The following CHN1 variants were observed in gnomAD, a reference collection of about 807,000 sequenced individuals.
CHN1 encodes the protein N-chimaerin.
A neutral mutation model predicts 59.5 loss-of-function variants in CHN1; 37 were observed. The ratio of observed to expected loss-of-function variants is 0.62; its 90% CI spans 0.48 to 0.82. The LOEUF (loss-of-function observed/expected upper bound fraction) is 0.82. Among genes scored for constraint, CHN1 ranks in the 40% least tolerant of loss-of-function variants. The pLI is 0.00. For missense variants in CHN1, 469 were observed against 571.0 expected (o/e 0.82, Z 1.82); for synonymous variants, 206 against 200.4 (o/e 1.03, Z -0.24).
At chr2:174,868,824 G>A (rs1687309694) in intron 6 of CHN1, among the ~76,000 whole-genome samples, 1 of 152,164 alleles carries the variant, frequency 6.6e-6, no homozygotes, top group Non-Finnish European at 1.5e-5. Flanking sequence ...AAATCTAAAT[G>A]TTGTAGTGGT....
intron 1 of CHN1, among the ~76,000 whole-genome samples, chr2:174,954,459 GAA>G (rs1375292892): frequency 6.6e-6 from 1 of 151,936 alleles, no homozygotes; most frequent in South Asian, 2.1e-4. Context: ...TTAATTAAAT[GAA>G]AAAGTTTCTT....
intron 3 of CHN1, among the ~76,000 whole-genome samples, chr2:174,937,900 T>G (rs1269131154): frequency 6.6e-6 from 1 of 152,190 alleles, no homozygotes; most frequent in Non-Finnish European, 1.5e-5. Context: ...GGCACTGTGT[T>G]TCTTCTTGTA....
chr2:175,001,415 C>T (rs530215151), intron 1 of CHN1, among the ~76,000 whole-genome samples: 35 of 152,268 alleles, frequency 2.3e-4, no homozygotes, highest in African/African-American at 7.2e-4. Context: ...TATGCCATTG[C>T]TATTTAATTG....
chr2:174,882,753 G>C (rs2105338314), intron 5 of CHN1, among the ~76,000 whole-genome samples: 2 of 152,188 alleles, frequency 1.3e-5, no homozygotes, highest in Admixed American at 1.3e-4. Flanking sequence ...AGTCAAAAAA[G>C]CTAATCTAAT....
At chr2:174,931,788 A>G (rs1689355393) in intron 3 of CHN1, among the ~76,000 whole-genome samples, 1 of 152,198 alleles carries the variant, frequency 6.6e-6, no homozygotes, top group Non-Finnish European at 1.5e-5. Flanking sequence ...GAAGATTTGA[A>G]GCATATGAAC....
chr2:174,815,387 ATAAAT>A (rs941467774), intron 8 of CHN1, among the ~76,000 whole-genome samples: 2 of 152,154 alleles, frequency 1.3e-5, no homozygotes, highest in African/African-American at 4.8e-5. Context: ...CTAAAAAAAA[ATAAAT>A]TAAAAAATAC....
In CHN1 at chr2:174,914,246, A is replaced by T. The variant is rs74805227; in HGVS notation, c.260+812T>A. ...CAGTGGATAAGTATGCTCTTGTATT[A>T]TTGTTCTTACAAGTTGGGTTATTAT... On this transcript the variant is annotated intron_variant, in intron 5 of 12. Transcript: ENST00000409900. 9.4e-3 allele frequency among the ~76,000 whole-genome samples: 1,425 copies of T among 152,252 alleles called. 24 individuals are homozygous for T. The highest frequency in any genetic ancestry group is 0.032 in the African/African-American group (1,342 of 41,560).
chr2:174,808,376 C>T (rs1008106384), intron 11 of CHN1, among the ~76,000 whole-genome samples: 1 of 152,072 alleles, frequency 6.6e-6, no homozygotes, highest in African/African-American at 2.4e-5. Context: ...CTCTGCCTCC[C>T]GGGTTCAAGC....
intron 8 of CHN1, among the ~76,000 whole-genome samples, chr2:174,819,759 A>G (rs1282837245): frequency 6.7e-6 from 1 of 150,334 alleles, no homozygotes; most frequent in East Asian, 2.0e-4. Context: ...GGTGTGCTGC[A>G]CCTATTAACT....
intron 11 of CHN1, among the ~76,000 whole-genome samples, chr2:174,806,170 C>G (rs1328857573): frequency 1.3e-5 from 2 of 152,078 alleles, no homozygotes; most frequent in African/African-American, 2.4e-5. Flanking sequence ...ACACAGACTT[C>G]AGGTGGGTTC....
intron 3 of CHN1, among the ~76,000 whole-genome samples, chr2:174,938,228 A>C (rs894800356): frequency 6.6e-6 from 1 of 152,144 alleles, no homozygotes; most frequent in Non-Finnish European, 1.5e-5. Flanking sequence ...GATTCTCAAT[A>C]ATCTTTAGTT....
Position 174,801,781 on chromosome 2 carries a change from G to A in CHN1, c.1134C>T (p.Thr378=). The change falls in exon 12 of 13, where the codon ACC becomes ACT. Residue 378 remains threonine (T), a synonymous_variant. Coordinates refer to ENST00000409900, the MANE Select transcript of CHN1 (RefSeq NM_001822.7). ...GCAGTAGTTTCAGTGCTTCATGAAG[G>A]GTTTCCAATTGCTCATCCGGATCCA... ...KIMDPDEQLE[T]LHEALKLLPP... 6.2e-7 allele frequency: 1 copy of A among 1,613,090 alleles called. No individual in the cohort carries two copies. The highest frequency in any genetic ancestry group is 8.5e-7 in the Non-Finnish European group (1 of 1,179,282).
chr2:174,826,551 A>C (rs1685686241), intron 7 of CHN1, among the ~76,000 whole-genome samples: 1 of 152,336 alleles, frequency 6.6e-6, no homozygotes, highest in Non-Finnish European at 1.5e-5. Flanking sequence ...CTCAGGAATT[A>C]TTTTGTGCCG....
rs191083679 is a variant in CHN1, at chr2:174,901,869, A to G, written c.260+13189T>C. Among the ~76,000 whole-genome samples, 171 of 152,326 alleles carry G rather than the reference A, an allele frequency of 1.1e-3. 1 individual carries two copies. The highest frequency in any genetic ancestry group is 2.1e-4 in the Non-Finnish European group (14 of 68,026). ...TAAGTAAATGTAAGTGAAAATCAGA[A>G]TTTTTAAAAAGGGGAGGTGAAACTT... On this transcript the variant is annotated intron_variant, in intron 5 of 12. Transcript: ENST00000409900.
At chr2:174,925,549 G>A (rs1228429253) in intron 3 of CHN1, among the ~76,000 whole-genome samples, 2 of 152,112 alleles carry the variant, frequency 1.3e-5, no homozygotes, top group African/African-American at 2.4e-5. Flanking sequence ...CACCTTTAAG[G>A]TCTAAAAGAG....
chr2:174,961,084 T>C (rs1690383574), intron 1 of CHN1, among the ~76,000 whole-genome samples: 1 of 123,514 alleles, frequency 8.1e-6, no homozygotes, highest in African/African-American at 2.7e-5. Context: ...GCTGTGTTTG[T>C]GCCACTGCAC....
intron 5 of CHN1, among the ~76,000 whole-genome samples, chr2:174,887,076 A>G (rs1255148684): frequency 6.6e-6 from 1 of 152,208 alleles, no homozygotes; most frequent in South Asian, 2.1e-4. Context: ...ATTACATAAC[A>G]TGTATTCTTT....
chr2:174,816,054 T>C (rs148593777), intron 8 of CHN1, among the ~76,000 whole-genome samples: 15 of 152,322 alleles, frequency 9.8e-5, no homozygotes, highest in Admixed American at 2.0e-4. Flanking sequence ...AAGTCAAAGC[T>C]GTGCCCACAA....
intron 11 of CHN1, among the ~76,000 whole-genome samples, chr2:174,805,991 C>T (rs1009221230): frequency 6.6e-6 from 1 of 152,138 alleles, no homozygotes; most frequent in African/African-American, 2.4e-5. Flanking sequence ...AGATTTCTCC[C>T]CTCATTACCA....
Sources: gnomAD v4.1 joint callset for allele counts (sites outside exome capture counted in the v4.1 genomes callset) on GRCh38, gnomAD v4.1.1 for gene constraint, MANE v1.5 for transcripts, NCBI Gene and HGNC (gene_info 2026-07-23, HGNC 2026-07-21) for gene names.